Variants in MAGI2 observed in about 807,000 individuals in gnomAD.
The protein encoded by MAGI2 is membrane-associated guanylate kinase, WW and PDZ domain-containing protein 2.
A neutral mutation model predicts 133.3 loss-of-function variants in MAGI2; 35 were observed. That is an observed-to-expected ratio of 0.26 (90% CI 0.20 to 0.35). The LOEUF is 0.35. MAGI2 is among the 10% of genes least tolerant of loss of function. The pLI, the probability that MAGI2 is intolerant of heterozygous loss-of-function variation, is 1.00. For missense variants in MAGI2, 1,636 were observed against 1,863.4 expected, an observed-to-expected ratio of 0.88 and a Z score of 2.25; for synonymous variants, 729 against 710.6, an observed-to-expected ratio of 1.03 and a Z score of -0.41.
At chr7:78,339,669 G>A (rs1237127965) in intron 9 of MAGI2, among the ~76,000 whole-genome samples, 1 of 152,128 alleles carries the variant, frequency 6.6e-6, no homozygotes, top group Non-Finnish European at 1.5e-5. Context: ...AGGCAATAGG[G>A]TAATTTTTAT....
chr7:78,375,486 T>G (rs144178910), intron 6 of MAGI2, among the ~76,000 whole-genome samples: 1 of 152,224 alleles, frequency 6.6e-6, no homozygotes, highest in African/African-American at 2.4e-5. Flanking sequence ...TTAGGAATCA[T>G]GCAATGTACT....
chr7:78,332,783 G>C (rs527373198), intron 9 of MAGI2, among the ~76,000 whole-genome samples: 5 of 151,770 alleles, frequency 3.3e-5, no homozygotes, highest in African/African-American at 1.2e-4. Flanking sequence ...TCATGTTATT[G>C]GTCTGAGAGA....
At chr7:78,238,825 C>T (rs1790830748) in intron 10 of MAGI2, among the ~76,000 whole-genome samples, 4 of 152,142 alleles carry the variant, frequency 2.6e-5, no homozygotes, top group South Asian at 2.1e-4. Context: ...CTCAGAAACT[C>T]GTTTCATTCA....
intron 1 of MAGI2, among the ~76,000 whole-genome samples, chr7:79,145,033 T>A (rs1464466323): frequency 5.9e-5 from 9 of 152,128 alleles, no homozygotes; most frequent in African/African-American, 7.2e-5. Flanking sequence ...TTTGGAAATG[T>A]TTTTCTAGGG....
chr7:79,061,565 GAAAAAGAAGAA>G (rs1207747409), intron 1 of MAGI2, among the ~76,000 whole-genome samples: 2 of 151,664 alleles, frequency 1.3e-5, no homozygotes, highest in Non-Finnish European at 2.9e-5. Context: ...AGGCAATACT[GAAAAAGAAGAA>G]AAAAAGAAGA....
chr7:78,086,688 G>A (rs985050929), intron 20 of MAGI2, among the ~76,000 whole-genome samples: 2 of 150,752 alleles, frequency 1.3e-5, no homozygotes, highest in Non-Finnish European at 3.0e-5. Flanking sequence ...AAGCTGGAGT[G>A]TAGTGGCGTG....
At chr7:78,829,438 C>T (rs1396184110) in intron 2 of MAGI2, among the ~76,000 whole-genome samples, 1 of 151,812 alleles carries the variant, frequency 6.6e-6, no homozygotes, top group Non-Finnish European at 1.5e-5. Flanking sequence ...TTTTTCATGG[C>T]TCAATTAAAG....
At chr7:78,737,713 G>A (rs1445282451) in intron 2 of MAGI2, among the ~76,000 whole-genome samples, 2 of 151,980 alleles carry the variant, frequency 1.3e-5, no homozygotes, top group Non-Finnish European at 2.9e-5. Context: ...TTTTGTTTTG[G>A]AAAATATAGT....
chr7:79,023,738 G>A (rs2116719056), intron 1 of MAGI2, among the ~76,000 whole-genome samples: 1 of 152,138 alleles, frequency 6.6e-6, no homozygotes, highest in South Asian at 2.1e-4. Context: ...ATTCACAATA[G>A]CAACAAAAAG....
At chr7:78,157,330 A>G (rs1824496034) in intron 16 of MAGI2, among the ~76,000 whole-genome samples, 1 of 152,214 alleles carries the variant, frequency 6.6e-6, no homozygotes, top group African/African-American at 2.4e-5. Context: ...GAAGTAAAAT[A>G]ATATCATTTT....
intron 9 of MAGI2, among the ~76,000 whole-genome samples, chr7:78,343,088 G>A (rs1790560001): frequency 6.6e-6 from 1 of 152,090 alleles, no homozygotes; most frequent in Non-Finnish European, 1.5e-5. Context: ...AAGATCATGG[G>A]CCAGGCAAGA....
intron 10 of MAGI2, among the ~76,000 whole-genome samples, chr7:78,243,257 ACACACACACACACTCTCTCT>A (rs1319630580): frequency 0.01 from 452 of 43,320 alleles, 3 homozygotes; most frequent in African/African-American, 0.025. Flanking sequence ...ACACACACAC[ACACACACACACACTCTCTCT>A]CTCTCTCTCT....
intron 20 of MAGI2, among the ~76,000 whole-genome samples, chr7:78,116,370 A>AG (rs1819871535): frequency 4.0e-5 from 6 of 150,600 alleles, no homozygotes; most frequent in Middle Eastern, 3.4e-3. Flanking sequence ...AAAAAAAAAA[A>AG]GAAGAACAAC....
At chr7:79,194,226 AG>A (rs1341909525) in intron 1 of MAGI2, among the ~76,000 whole-genome samples, 1 of 152,006 alleles carries the variant, frequency 6.6e-6, no homozygotes, top group East Asian at 1.9e-4. Flanking sequence ...AAAGCTATAA[AG>A]GTATTATCCT....
intron 2 of MAGI2, among the ~76,000 whole-genome samples, chr7:78,895,561 G>C (rs999038066): frequency 6.6e-6 from 1 of 151,398 alleles, no homozygotes; most frequent in Non-Finnish European, 1.5e-5. Context: ...GAAGACAGCA[G>C]TGCTATAAAT....
intron 3 of MAGI2, among the ~76,000 whole-genome samples, chr7:78,626,030 G>A (rs989174041): frequency 6.6e-6 from 1 of 152,162 alleles, no homozygotes; most frequent in Non-Finnish European, 1.5e-5. Flanking sequence ...CAAGGAGAAA[G>A]TAGAGGGCCC....
chr7:79,138,787 C>T (rs941234690), intron 1 of MAGI2, among the ~76,000 whole-genome samples: 5 of 151,924 alleles, frequency 3.3e-5, no homozygotes, highest in African/African-American at 7.2e-5. Flanking sequence ...GGGCGGATCA[C>T]GAGGTCAGGA....
chr7:78,949,081 T>C (rs1462882679), intron 2 of MAGI2, among the ~76,000 whole-genome samples: 1 of 152,116 alleles, frequency 6.6e-6, no homozygotes, highest in Non-Finnish European at 1.5e-5. Context: ...CATTGTGAAA[T>C]CAGGGAAAAA....
At chr7:78,532,325 C>A (rs571585715) in intron 3 of MAGI2, among the ~76,000 whole-genome samples, 5 of 152,312 alleles carry the variant, frequency 3.3e-5, no homozygotes, top group Admixed American at 6.5e-5. Flanking sequence ...TACTTGAGAA[C>A]CTGGATGCAT....
Sources: allele counts gnomAD v4.1 joint callset (sites outside exome capture counted in the v4.1 genomes callset), GRCh38; gene constraint gnomAD v4.1.1; transcripts MANE v1.5; gene names NCBI Gene and HGNC (gene_info 2026-07-23, HGNC 2026-07-21).